CA10: variants seen among roughly 807,000 people sequenced by gnomAD.
The protein encoded by CA10 is carbonic anhydrase-related protein 10.
CA10 carries 14 observed loss-of-function variants against 44.2 expected under a neutral mutation model. The observed-to-expected ratio is 0.32, with a 90% CI of 0.21 to 0.50. CA10 has a LOEUF of 0.50. CA10 is among the 20% of genes least tolerant of loss of function. The pLI, the probability that CA10 is intolerant of heterozygous loss-of-function variation, is 0.99. For missense variants in CA10, 350 were observed against 409.7 expected, an observed-to-expected ratio of 0.85 and a Z score of 1.26; for synonymous variants, 159 against 141.6, an observed-to-expected ratio of 1.12 and a Z score of -0.87.
At chr17:51,803,698 T>C (rs900680383) in intron 3 of CA10, among the ~76,000 whole-genome samples, 8 of 152,234 alleles carry the variant, frequency 5.3e-5, no homozygotes, top group Non-Finnish European at 1.0e-4. Context: ...TAAGTGGTGA[T>C]TGGAATATTA....
At chr17:51,754,285 A>AGT (rs60269292) in intron 3 of CA10, among the ~76,000 whole-genome samples, 3,236 of 140,862 alleles carry the variant, frequency 0.023, 59 homozygotes, top group East Asian at 0.073. Flanking sequence ...GAAACAGAAT[A>AGT]GTGTGTGTGT....
intron 3 of CA10, among the ~76,000 whole-genome samples, chr17:51,839,322 C>T (rs1408533569): frequency 1.3e-5 from 2 of 151,832 alleles, no homozygotes; most frequent in South Asian, 2.1e-4. Context: ...GAAACCCCGT[C>T]TCTACTTAAA....
intron 2 of CA10, among the ~76,000 whole-genome samples, chr17:51,940,609 C>T (rs1038597439): frequency 4.0e-5 from 6 of 151,694 alleles, no homozygotes; most frequent in African/African-American, 7.3e-5. Context: ...ACTTTATTAT[C>T]GCCCTGATTC....
intron 2 of CA10, among the ~76,000 whole-genome samples, chr17:52,043,537 T>G (rs1423426761): frequency 6.6e-6 from 1 of 152,094 alleles, no homozygotes; most frequent in Non-Finnish European, 1.5e-5. Context: ...TCCTTTCCAA[T>G]TTGAATCTTT....
intron 3 of CA10, among the ~76,000 whole-genome samples, chr17:51,755,369 T>C (rs1035993539): frequency 6.6e-6 from 1 of 152,164 alleles, no homozygotes; most frequent in Non-Finnish European, 1.5e-5. Context: ...ATAGCGCTTG[T>C]AGGGTGGATG....
intron 3 of CA10, among the ~76,000 whole-genome samples, chr17:51,895,480 G>T (rs1030866629): frequency 2.0e-5 from 3 of 151,854 alleles, no homozygotes; most frequent in Non-Finnish European, 4.4e-5. Flanking sequence ...TCTTCAGGTT[G>T]TACTTCAGCA....
Position 52,157,717 on chromosome 17 carries a change from G to T in CA10, c.61+9C>A, listed in dbSNP as rs201187222. 5 of 1,613,216 alleles carry T rather than the reference G, an allele frequency of 3.1e-6. No homozygotes were observed. Among genetic ancestry groups the T allele is most frequent in the South Asian group, 1.1e-5 (1 of 91,058 alleles). The stretch of plus-strand genomic sequence containing the variant: ...CCAAATCAGCCAGTGACTTCGGCGC[G>T]TCCCGTACCTGATATGCAGACGATG... On this transcript the variant is annotated intron_variant, in intron 1 of 8. Transcript: ENST00000451037.
intron 3 of CA10, among the ~76,000 whole-genome samples, chr17:51,907,894 G>A (rs1981627104): frequency 6.6e-6 from 1 of 152,076 alleles, no homozygotes; most frequent in Non-Finnish European, 1.5e-5. Flanking sequence ...ATGTTTCCTG[G>A]GGAACCTGAT....
intron 3 of CA10, among the ~76,000 whole-genome samples, chr17:51,796,937 A>T (rs12451860): frequency 6.6e-6 from 1 of 152,054 alleles, no homozygotes; most frequent in Non-Finnish European, 1.5e-5. Flanking sequence ...GATAATTGTT[A>T]GGGTGACCTC....
chr17:51,787,505 T>C (rs1364015272), intron 3 of CA10, among the ~76,000 whole-genome samples: 1 of 152,038 alleles, frequency 6.6e-6, no homozygotes. Context: ...TTCCTTTTTT[T>C]TTTTGAGACA....
intron 1 of CA10, among the ~76,000 whole-genome samples, chr17:52,095,071 G>A (rs1988370349): frequency 6.6e-6 from 1 of 152,082 alleles, no homozygotes; most frequent in African/African-American, 2.4e-5. Context: ...CAACCCATAT[G>A]TCTACTGACA....
At chr17:51,930,819 GA>G (rs1982626974) in intron 3 of CA10, among the ~76,000 whole-genome samples, 170 bp downstream of exon 3, 2 of 152,060 alleles carry the variant, frequency 1.3e-5, no homozygotes, top group African/African-American at 4.8e-5. Context: ...TAGTTAGGGA[GA>G]AAAAGCACAA....
chr17:51,654,960 C>G (rs1416298687), intron 4 of CA10, among the ~76,000 whole-genome samples: 1 of 152,044 alleles, frequency 6.6e-6, no homozygotes, highest in African/African-American at 2.4e-5. Context: ...CAACTATTAA[C>G]AGTTTAGTGT....
intron 3 of CA10, among the ~76,000 whole-genome samples, chr17:51,774,312 T>C (rs892846656): frequency 1.3e-5 from 2 of 152,196 alleles, no homozygotes; most frequent in Non-Finnish European, 2.9e-5. Flanking sequence ...CTTTAGCACA[T>C]TTTTAATTAG....
intron 3 of CA10, among the ~76,000 whole-genome samples, chr17:51,881,431 T>C (rs1172316729): frequency 1.3e-5 from 2 of 152,104 alleles, no homozygotes; most frequent in Non-Finnish European, 2.9e-5. Flanking sequence ...ATGTATTTTG[T>C]ATTTTAAAAA....
chr17:52,035,895 C>T (rs1428174674), intron 2 of CA10, among the ~76,000 whole-genome samples: 4 of 152,228 alleles, frequency 2.6e-5, no homozygotes, highest in African/African-American at 7.2e-5. Context: ...GTTGACAAAA[C>T]TTTTCCATAG....
intron 1 of CA10, among the ~76,000 whole-genome samples, chr17:52,079,374 G>A (rs1013990356): frequency 2.0e-5 from 3 of 151,624 alleles, no homozygotes; most frequent in Non-Finnish European, 2.9e-5. Flanking sequence ...CAGGAGAATC[G>A]CTTCAACCCG....
chr17:51,849,330 C>T (rs1978686483), intron 3 of CA10, among the ~76,000 whole-genome samples: 1 of 147,464 alleles, frequency 6.8e-6, no homozygotes, highest in South Asian at 2.2e-4. Context: ...GCATCACCTA[C>T]CACAGTGCCT....
chr17:51,948,094 G>C (rs563904945), intron 2 of CA10, among the ~76,000 whole-genome samples: 2 of 152,210 alleles, frequency 1.3e-5, no homozygotes, highest in Non-Finnish European at 2.9e-5. Context: ...CAAGGAAACT[G>C]AGCTCAACTC....
Sources: gnomAD v4.1 joint callset for allele counts (sites outside exome capture counted in the v4.1 genomes callset) on GRCh38, gnomAD v4.1.1 for gene constraint, MANE v1.5 for transcripts, NCBI Gene and HGNC (gene_info 2026-07-23, HGNC 2026-07-21) for gene names.